The following PHYHIPL variants were observed in gnomAD, a reference collection of about 807,000 sequenced individuals.
PHYHIPL encodes the protein phytanoyl-CoA 2-hydroxylase interacting protein like.
PHYHIPL carries 9 observed loss-of-function variants against 33.4 expected under a neutral mutation model. The observed-to-expected ratio is 0.27, with a 90% confidence interval of 0.16 to 0.47. PHYHIPL has a LOEUF of 0.47. PHYHIPL is among the 20% of genes least tolerant of loss of function. The probability of loss-of-function intolerance (pLI) is 0.99; values close to 1 mark genes in which losing one functional copy is unlikely to be tolerated. For missense variants in PHYHIPL, 365 were observed against 460.7 expected, an observed-to-expected ratio of 0.79 and a Z score of 1.90; for synonymous variants, 153 against 154.1, an observed-to-expected ratio of 0.99 and a Z score of 0.05.
chr10:59,240,906 AAGAC>A (rs1350422786), intron 4 of PHYHIPL, among the ~76,000 whole-genome samples: 2 of 152,086 alleles, frequency 1.3e-5, no homozygotes. Flanking sequence ...TAAATAAATA[AAGAC>A]AGAGTGCCTA....
Position 59,176,712 on chromosome 10 carries a change from C to G in PHYHIPL, c.-142C>G. The G allele has an allele frequency of 1.4e-6, 1 of 728,794 alleles. No individual in the cohort carries two copies. The allele number at this position is 728,794 out of a possible 1,614,324, so 45.1% of individuals were successfully genotyped here. On this transcript the variant is annotated 5_prime_UTR_variant, in exon 1 of 5. Transcript: ENST00000373880. ...GCGGCGGCTCTCCAGCCCCGCGCCT[C>G]AGCCTCGGCGCCGCATCACCGCGTC...
At chr10:59,238,955 C>A (rs1349320263) in intron 4 of PHYHIPL, among the ~76,000 whole-genome samples, 1 of 151,816 alleles carries the variant, frequency 6.6e-6, no homozygotes, top group Non-Finnish European at 1.5e-5. Flanking sequence ...GGATCTTAAA[C>A]CTGTGGTATT....
At chr10:59,240,395 C>G (rs1357567378) in intron 4 of PHYHIPL, among the ~76,000 whole-genome samples, 47 of 151,924 alleles carry the variant, frequency 3.1e-4, no homozygotes. Context: ...ATTTAATACA[C>G]CTAACTTACA....
chr10:59,211,426 G>C (rs947380123), intron 1 of PHYHIPL, among the ~76,000 whole-genome samples: 1 of 151,974 alleles, frequency 6.6e-6, no homozygotes, highest in African/African-American at 2.4e-5. Context: ...GCCCAGGCTG[G>C]AGTACAATGG....
intron 1 of PHYHIPL, among the ~76,000 whole-genome samples, chr10:59,224,456 G>A (rs200158969): frequency 1.4e-5 from 2 of 139,806 alleles, no homozygotes; most frequent in South Asian, 2.3e-4. Context: ...CTGTCTCAAG[G>A]AAACAAAACA....
chr10:59,234,158 A>G (rs987935784), intron 1 of PHYHIPL, 146 bp from the exon 2 acceptor site: 1 of 624,628 alleles, frequency 1.6e-6, no homozygotes, highest in African/African-American at 2.0e-5. Flanking sequence ...ACTCTGTGAA[A>G]ACAAATTGGA....
chr10:59,232,908 C>A (rs1352350595), intron 1 of PHYHIPL, among the ~76,000 whole-genome samples: 1 of 151,808 alleles, frequency 6.6e-6, no homozygotes, highest in Admixed American at 6.6e-5. Context: ...TTTCCCAAGG[C>A]CATTATAAGG....
At chr10:59,180,600 C>A (rs1838389780) in intron 1 of PHYHIPL, among the ~76,000 whole-genome samples, 1 of 151,618 alleles carries the variant, frequency 6.6e-6, no homozygotes, top group Non-Finnish European at 1.5e-5. Flanking sequence ...AGCAAGGAAA[C>A]ACATTGGAAA....
chr10:59,180,342 A>G (rs1418776450), intron 1 of PHYHIPL, among the ~76,000 whole-genome samples: 2 of 78,678 alleles, frequency 2.5e-5, no homozygotes, highest in Non-Finnish European at 6.2e-5. Context: ...ATATATATAT[A>G]TATATATATA....
intron 1 of PHYHIPL, among the ~76,000 whole-genome samples, chr10:59,203,419 A>G (rs1184262869): frequency 6.6e-6 from 1 of 152,212 alleles, no homozygotes; most frequent in African/African-American, 2.4e-5. Flanking sequence ...ATTACTGGGT[A>G]TATACCCAAA....
chr10:59,177,303 T>C (rs570054909), intron 1 of PHYHIPL: 1 of 658,034 alleles, frequency 1.5e-6, no homozygotes, highest in Admixed American at 3.2e-5. Flanking sequence ...TTCCTGGGTC[T>C]CTGGGCACTG....
chr10:59,228,289 A>T (rs1839984388), intron 1 of PHYHIPL, among the ~76,000 whole-genome samples: 1 of 152,146 alleles, frequency 6.6e-6, no homozygotes, highest in Admixed American at 6.5e-5. Context: ...TTAAATAAAA[A>T]ATAGGTTACA....
chr10:59,199,617 A>G (rs1473700590), intron 1 of PHYHIPL, among the ~76,000 whole-genome samples: 1 of 152,178 alleles, frequency 6.6e-6, no homozygotes, highest in Admixed American at 6.5e-5. Context: ...CTTGATGGAA[A>G]TGGCATTGAA....
chr10:59,246,649 G>A lies in PHYHIPL; in HGVS notation c.*1058G>A. The A allele has an allele frequency of 2.5e-6, 1 of 397,584 alleles. No homozygotes were observed. Among genetic ancestry groups the A allele is most frequent in the Non-Finnish European group, 4.4e-6 (1 of 225,274 alleles). The allele number at this position is 397,584 out of a possible 1,614,324, so 24.6% of individuals were successfully genotyped here. On this transcript the variant is annotated 3_prime_UTR_variant, in exon 5 of 5. Transcript: ENST00000373880. ...ATAAATATTCTGGCTTCTTTTTCAAGGTATCAGGGCAAACAATTTCCAAAC... is the reference window on the plus strand; with the variant it reads ...ATAAATATTCTGGCTTCTTTTTCAAAGTATCAGGGCAAACAATTTCCAAAC...
rs1012638399 is a variant in PHYHIPL at position 59,182,499 on chromosome 10, C to T, written c.106+5540C>T. 3.3e-5 allele frequency among the ~76,000 whole-genome samples: 5 copies of T among 152,108 alleles called. No individual in the cohort carries two copies. The South Asian group carries it at 6.2e-4, about 19-fold the overall frequency. On this transcript the variant is annotated intron_variant, in intron 1 of 4. Coordinates refer to ENST00000373880, the MANE Select transcript of PHYHIPL (RefSeq NM_032439.4). Reference sequence around the variant, plus strand: ...CTAGGATTACAGGCACCCGCCACCACACCCAGCTAATTTTTGTGTTTTTAG... The same window carrying T: ...CTAGGATTACAGGCACCCGCCACCATACCCAGCTAATTTTTGTGTTTTTAG...
At chr10:59,202,932 T>A (rs549332639) in intron 1 of PHYHIPL, among the ~76,000 whole-genome samples, 2 of 152,286 alleles carry the variant, frequency 1.3e-5, no homozygotes, top group Non-Finnish European at 2.9e-5. Flanking sequence ...GTAGACATAA[T>A]AATTTAGAAG....
chr10:59,240,726 T>G (rs868107014), intron 4 of PHYHIPL, among the ~76,000 whole-genome samples: 2 of 152,270 alleles, frequency 1.3e-5, no homozygotes, highest in East Asian at 3.9e-4. Context: ...ACATCTTTGA[T>G]TTTAGGTTTA....
chr10:59,245,717 C>T lies in PHYHIPL; in HGVS notation c.*126C>T, dbSNP rs997673472. 14 of 1,050,614 alleles carry T rather than the reference C, an allele frequency of 1.3e-5. No individual in the cohort carries two copies. The highest frequency in any genetic ancestry group is 1.9e-5 in the Non-Finnish European group (14 of 740,548). 65.1% of individuals were successfully genotyped at this position (1,050,614 alleles called of 1,614,324 possible). On this transcript the variant is annotated 3_prime_UTR_variant, in exon 5 of 5. Coordinates refer to ENST00000373880, the MANE Select transcript of PHYHIPL (RefSeq NM_032439.4). ...CACATGCCACTGTCACCAAAACAAACAACTACCACTTTCCAAATTTCATTC... is the reference window on the plus strand; with the variant it reads ...CACATGCCACTGTCACCAAAACAAATAACTACCACTTTCCAAATTTCATTC...
chr10:59,222,537 A>G (rs192224812), intron 1 of PHYHIPL, among the ~76,000 whole-genome samples: 134 of 152,260 alleles, frequency 8.8e-4, no homozygotes, highest in Admixed American at 1.6e-3. Flanking sequence ...TTTAGTTAAA[A>G]GAAACAACAA....
Sources: gnomAD v4.1 joint callset for allele counts (sites outside exome capture counted in the v4.1 genomes callset) on GRCh38, gnomAD v4.1.1 for gene constraint, MANE v1.5 for transcripts, NCBI Gene and HGNC (gene_info 2026-07-23, HGNC 2026-07-21) for gene names.